Variants in SRSF12 observed in about 807,000 individuals in gnomAD.
SRSF12 encodes the protein serine/arginine-rich splicing factor 12.
A neutral mutation model predicts 34.1 loss-of-function variants in SRSF12; 21 were observed. The observed-to-expected ratio is 0.62, with a 90% confidence interval of 0.44 to 0.89. SRSF12 has a LOEUF of 0.89. Among genes scored for constraint, SRSF12 ranks in the 40% least tolerant of loss-of-function variants. The pLI, the probability that SRSF12 is intolerant of heterozygous loss-of-function variation, is 0.00. For missense variants in SRSF12, 278 were observed against 327.8 expected, an observed-to-expected ratio of 0.85 and a Z score of 1.17; for synonymous variants, 111 against 110.8, an observed-to-expected ratio of 1.00 and a Z score of -0.01.
rs2127988599 is a variant in SRSF12, at chr6:89,097,180, GAC to G, written c.*1396_*1397del. ...TGGCTCCTATATACTAAAAATATAA[GAC>G]AGATTTTTTTCTTAAACACTCTGGA... On this transcript the variant is annotated 3_prime_UTR_variant, in exon 5 of 5. Transcript: ENST00000452027. The G allele has an allele frequency of 6.6e-6, 1 of 152,120 alleles. No individual in the cohort carries two copies. The highest frequency in any genetic ancestry group is 1.9e-4 in the East Asian group (1 of 5,184). The allele number at this position is 152,120 out of a possible 1,614,324, so 9.4% of individuals were successfully genotyped here.
rs1357166814 is a variant in SRSF12, at chr6:89,105,355, A to T, written c.274+72T>A. 49 of 1,561,338 alleles carry T rather than the reference A, an allele frequency of 3.1e-5. No individual in the cohort carries two copies. In the East Asian group the frequency reaches 1.0e-3, roughly 33 times the overall value. On this transcript the variant is annotated intron_variant, in intron 3 of 4. Coordinates refer to ENST00000452027, the MANE Select transcript of SRSF12 (RefSeq NM_080743.5). The stretch of plus-strand genomic sequence containing the variant: ...AGCAATCATTTACTGAAAGAATTTT[A>T]AATTAAAAAATCAGTCATCACTGAA...
In SRSF12 at chr6:89,117,919, C is replaced by A; in HGVS notation, c.-32G>T. 2 of 1,548,726 alleles carry A rather than the reference C, an allele frequency of 1.3e-6. No homozygotes were observed. The highest frequency in any genetic ancestry group is 8.7e-7 in the Non-Finnish European group (1 of 1,151,116). On this transcript the variant is annotated 5_prime_UTR_variant, in exon 1 of 5. Coordinates refer to ENST00000452027, the MANE Select transcript of SRSF12 (RefSeq NM_080743.5). ...TTCCTCCGTTCCCTCCGGGTCTGCC[C>A]GCGGCCGCTGGACTCGCTCCGTCTC...
chr6:89,113,613 A>G (rs908739629), intron 1 of SRSF12, among the ~76,000 whole-genome samples: 2 of 152,040 alleles, frequency 1.3e-5, no homozygotes, highest in African/African-American at 4.8e-5. Flanking sequence ...CAGGCCCCAA[A>G]GATTTTGTTT....
In SRSF12 at chr6:89,098,286, A is replaced by T. The variant is rs1285081693; in HGVS notation, c.*292T>A. On this transcript the variant is annotated 3_prime_UTR_variant, in exon 5 of 5. Coordinates refer to ENST00000452027, the MANE Select transcript of SRSF12 (RefSeq NM_080743.5). ...ACTAATACTATGCAAGTAGAATTTT[A>T]AAAATTAGTTCCAGTTTACTCATTT... The T allele has an allele frequency of 4.6e-5, 12 of 259,650 alleles. No homozygotes were observed. Among genetic ancestry groups the T allele is most frequent in the Non-Finnish European group, 7.4e-5 (10 of 135,972 alleles). The allele number at this position is 259,650 out of a possible 1,614,324, so 16.1% of individuals were successfully genotyped here.
At position 89,117,768 on chromosome 6, in the gene SRSF12, C is replaced by A. The variant is rs922221815; in HGVS notation, c.65+55G>T. Reference sequence around the variant, plus strand: ...CGGGCCTCGGCCGTGCTCCGCGGCGCGGCTGTTACCCCGCCCCTCCTCCGC... The same window carrying A: ...CGGGCCTCGGCCGTGCTCCGCGGCGAGGCTGTTACCCCGCCCCTCCTCCGC... On this transcript the variant is annotated intron_variant, in intron 1 of 4. Coordinates refer to ENST00000452027, the MANE Select transcript of SRSF12 (RefSeq NM_080743.5). 3 of 1,495,810 alleles carry A rather than the reference C, an allele frequency of 2.0e-6. No homozygotes were observed. In the African/African-American group the frequency reaches 4.4e-5, roughly 22 times the overall value. 92.7% of individuals were successfully genotyped at this position (1,495,810 alleles called of 1,614,324 possible).
intron 4 of SRSF12, among the ~76,000 whole-genome samples, chr6:89,103,284 CT>C (rs1385896265): frequency 1.1e-4 from 17 of 152,028 alleles, no homozygotes; most frequent in South Asian, 2.1e-4. Flanking sequence ...GAGAAAAAAA[CT>C]GGTTCACTAA....
In SRSF12 at chr6:89,117,917, C is replaced by T. The variant is rs1179909882; in HGVS notation, c.-30G>A. 5.2e-6 allele frequency: 8 copies of T among 1,549,566 alleles called. No homozygotes were observed. Among genetic ancestry groups the T allele is most frequent in the Non-Finnish European group, 6.9e-6 (8 of 1,151,450 alleles). On this transcript the variant is annotated 5_prime_UTR_variant, in exon 1 of 5. Transcript: ENST00000452027. ...GCTTCCTCCGTTCCCTCCGGGTCTG[C>T]CCGCGGCCGCTGGACTCGCTCCGTC...
At chr6:89,115,638 T>C (rs1430727264) in intron 1 of SRSF12, among the ~76,000 whole-genome samples, 10 of 145,946 alleles carry the variant, frequency 6.9e-5, no homozygotes, top group Non-Finnish European at 1.1e-4. Flanking sequence ...TTTCTTTTTT[T>C]TTTTTTTTTT....
chr6:89,101,035 G>A (rs1245455896), intron 4 of SRSF12, among the ~76,000 whole-genome samples: 1 of 151,706 alleles, frequency 6.6e-6, no homozygotes, highest in Non-Finnish European at 1.5e-5. Context: ...CTTGAACCTG[G>A]GAGGCAGAGG....
chr6:89,104,602 AAGTT>A (rs144358547), intron 4 of SRSF12, among the ~76,000 whole-genome samples: 9,524 of 152,032 alleles, frequency 0.063, 861 homozygotes, highest in African/African-American at 0.2. Context: ...TAAAAAGATA[AAGTT>A]AAGTCTGTAA....
In SRSF12 at chr6:89,105,139, C is replaced by T; in HGVS notation, c.396G>A (p.Arg132=). The part of the protein sequence containing the change: ...SRSSSWGRNR[R]RSDSLKESRH... ...CTCACTCTTTAAGGCTGTCTGACCG[C>T]CTCCTATTTCTTCCCCATGAAGAAC... Residue 132 remains arginine, a synonymous_variant, in exon 4 of 5, where the codon AGG becomes AGA. Coordinates refer to ENST00000452027, the MANE Select transcript of SRSF12 (RefSeq NM_080743.5). 6.2e-7 allele frequency: 1 copy of T among 1,612,590 alleles called. No homozygotes were observed. Among genetic ancestry groups the T allele is most frequent in the Non-Finnish European group, 8.5e-7 (1 of 1,179,142 alleles).
At chr6:89,117,579 G>A (rs1359973703) in intron 1 of SRSF12, among the ~76,000 whole-genome samples, 2 of 152,182 alleles carry the variant, frequency 1.3e-5, no homozygotes, top group East Asian at 3.9e-4. Flanking sequence ...AAAGCGACGC[G>A]GGCCCGGGAC....
At chr6:89,113,584 T>A (rs893686319) in intron 1 of SRSF12, among the ~76,000 whole-genome samples, 7 of 152,160 alleles carry the variant, frequency 4.6e-5, no homozygotes, top group Non-Finnish European at 1.0e-4. Context: ...GCTGGGATTA[T>A]AGATGTGAGC....
chr6:89,114,705 G>A (rs1372516852), intron 1 of SRSF12, among the ~76,000 whole-genome samples: 1 of 152,162 alleles, frequency 6.6e-6, no homozygotes, highest in Admixed American at 6.5e-5. Flanking sequence ...CAGAGATCAG[G>A]TGTCACCTGC....
At position 89,104,044 on chromosome 6, in the gene SRSF12, C is replaced by G. The variant is rs577515426; in HGVS notation, c.416+1075G>C. On this transcript the variant is annotated intron_variant, in intron 4 of 4. Transcript: ENST00000452027. ...GAGAGACGGAGTCTCACCATGTTGG[C>G]CAGGCTAGTCTCAAACTCCTGGCCT... Among the ~76,000 whole-genome samples the G allele has an allele frequency of 1.9e-3, 244 of 127,142 alleles. 1 individual carries two copies. Among genetic ancestry groups the G allele is most frequent in the African/African-American group, 7.1e-3 (226 of 31,716 alleles). 83.4% of individuals were successfully genotyped at this position (127,142 alleles called of 152,430 possible).
intron 1 of SRSF12, among the ~76,000 whole-genome samples, chr6:89,114,359 C>T (rs1468467275): frequency 6.6e-6 from 1 of 152,028 alleles, no homozygotes; most frequent in East Asian, 1.9e-4. Flanking sequence ...GCCCAGGAGG[C>T]GGAGGTTGCA....
chr6:89,097,421 AT>A lies in SRSF12; in HGVS notation c.*1156del, dbSNP rs1768317780. ...ACAACTACAAAAGCAATAAATATCA[AT>A]AAAGTTATTTGGCTGTCAGAAATGA... On this transcript the variant is annotated 3_prime_UTR_variant, in exon 5 of 5. Transcript: ENST00000452027. 1 of 152,212 alleles carries A rather than the reference AT, an allele frequency of 6.6e-6. No homozygotes were observed. Among genetic ancestry groups the A allele is most frequent in the Non-Finnish European group, 1.5e-5 (1 of 68,034 alleles). 9.4% of individuals were successfully genotyped at this position (152,212 alleles called of 1,614,324 possible).
Position 89,105,193 on chromosome 6 carries a change from G to A in SRSF12, c.342C>T (p.Ser114=). 6.2e-7 allele frequency: 1 copy of A among 1,612,216 alleles called. No individual in the cohort carries two copies. The highest frequency in any genetic ancestry group is 8.5e-7 in the Non-Finnish European group (1 of 1,179,022). The change falls in exon 4 of 5, where the codon AGC becomes AGT. Residue 114 remains serine (S), a synonymous_variant. Coordinates refer to ENST00000452027, the MANE Select transcript of SRSF12 (RefSeq NM_080743.5). ...CSPSDHRRSR[S]PSQRRTRSRS... The stretch of plus-strand genomic sequence containing the variant: ...TACTTCGAGTTCTTCTTTGGCTGGG[G>A]CTTCTTGATCTCCTGTGATCACTTG...
chr6:89,116,374 G>A (rs1439301301), intron 1 of SRSF12, among the ~76,000 whole-genome samples: 1 of 152,120 alleles, frequency 6.6e-6, no homozygotes, highest in Non-Finnish European at 1.5e-5. Flanking sequence ...GTAATATATT[G>A]ATAAAAAGGC....
Sources: gnomAD v4.1 joint callset for allele counts (sites outside exome capture counted in the v4.1 genomes callset) on GRCh38, gnomAD v4.1.1 for gene constraint, MANE v1.5 for transcripts, NCBI Gene and HGNC (gene_info 2026-07-23, HGNC 2026-07-21) for gene names.